The following RECK variants were observed in gnomAD, a reference collection of about 807,000 sequenced individuals.
The protein encoded by RECK is reversion inducing cysteine rich protein with kazal motifs.
Under a neutral mutation model 115.1 loss-of-function variants are expected in RECK, and 69 were observed. That is an observed-to-expected ratio of 0.60 (90% CI 0.49 to 0.73). The LOEUF is 0.73. Ranked by LOEUF, RECK falls within the 30% of genes least tolerant of loss-of-function variation. RECK has a pLI of 0.00. For missense variants in RECK, 1,047 were observed against 1,203.7 expected, an observed-to-expected ratio of 0.87 and a Z score of 1.93; for synonymous variants, 414 against 419.7, an observed-to-expected ratio of 0.99 and a Z score of 0.17.
In RECK at chr9:36,108,108, T is replaced by A. The variant is rs1413507706; in HGVS notation, c.1709T>A (p.Met570Lys). Residue 570 changes from methionine to lysine, a missense_variant, in exon 14 of 21, where the codon ATG (methionine) becomes AAG (lysine). Met to Lys is a moderately conservative substitution (Grantham distance 95, BLOSUM62 -1). Coordinates refer to ENST00000377966, the MANE Select transcript of RECK (RefSeq NM_021111.3). ...CAAAGTGGACTCTTAGAAAACTGTA[T>A]GGAAATGCACTGTATAGACCTCCAG... ...CGQSGLLENC[M>K]EMHCIDLQKS... 1.5e-5 allele frequency: 25 copies of A among 1,614,102 alleles called. No individual in the cohort carries two copies. The highest frequency in any genetic ancestry group is 2.1e-5 in the Non-Finnish European group (25 of 1,179,978).
At chr9:36,095,741 A>T (rs937410868) in intron 10 of RECK, among the ~76,000 whole-genome samples, 1 of 152,022 alleles carries the variant, frequency 6.6e-6, no homozygotes, top group Non-Finnish European at 1.5e-5. Flanking sequence ...GTTTGAGACC[A>T]GCCTGGGCAA....
chr9:36,123,303 CA>C lies in RECK; in HGVS notation c.*259del, dbSNP rs1824530615. ...TGGTAGACCACTGCCATATGATTTACATTTCCTCACCATAAGGGTCCCCCAC... is the reference window on the plus strand; with the variant it reads ...TGGTAGACCACTGCCATATGATTTACTTTCCTCACCATAAGGGTCCCCCAC... On this transcript the variant is annotated 3_prime_UTR_variant, in exon 21 of 21. Coordinates refer to ENST00000377966, the MANE Select transcript of RECK (RefSeq NM_021111.3). 5.0e-6 allele frequency: 2 copies of C among 398,256 alleles called. No individual in the cohort carries two copies. Among genetic ancestry groups the C allele is most frequent in the Non-Finnish European group, 9.0e-6 (2 of 222,898 alleles). 24.7% of individuals were successfully genotyped at this position (398,256 alleles called of 1,614,324 possible).
At chr9:36,107,830 C>G (rs978926006) in intron 13 of RECK, 146 bp from the exon 14 acceptor site, 13 of 600,724 alleles carry the variant, frequency 2.2e-5, no homozygotes, top group Middle Eastern at 3.3e-4. Context: ...TGAACCAAAG[C>G]AATTCCTTAA....
intron 1 of RECK, 126 bp downstream of exon 1, chr9:36,037,224 G>A (rs1014820304): frequency 1.9e-5 from 10 of 538,582 alleles, no homozygotes; most frequent in African/African-American, 1.4e-4. Context: ...CGGCGACCCC[G>A]GGACCCCAGG....
rs1325567734 is a variant in RECK at position 36,094,744 on chromosome 9, C to T, written c.1085+3401C>T. On this transcript the variant is annotated intron_variant, in intron 10 of 20. Coordinates refer to ENST00000377966, the MANE Select transcript of RECK (RefSeq NM_021111.3). This position sits in a 1 kb window ranked among gnomAD's most constrained non-coding sequence, Gnocchi z 4.1. The stretch of plus-strand genomic sequence containing the variant: ...AATTTATCATGAAGATACAATTAAC[C>T]TAGATATATATGCACCTAATGTCAG... 1.3e-5 allele frequency among the ~76,000 whole-genome samples: 2 copies of T among 151,988 alleles called. No individual in the cohort carries two copies. The highest frequency in any genetic ancestry group is 2.9e-5 in the Non-Finnish European group (2 of 68,000).
chr9:36,117,604 G>A (rs529919127), intron 17 of RECK, among the ~76,000 whole-genome samples: 1 of 152,302 alleles, frequency 6.6e-6, no homozygotes, highest in East Asian at 1.9e-4. Context: ...AAAAGTCATT[G>A]AAATTTTCTT....
At chr9:36,096,375 A>T (rs1402678278) in intron 10 of RECK, among the ~76,000 whole-genome samples, 1 of 151,722 alleles carries the variant, frequency 6.6e-6, no homozygotes, top group Non-Finnish European at 1.5e-5. Flanking sequence ...CGTCTCTACT[A>T]AAAATACAAA....
intron 16 of RECK, 145 bp downstream of exon 16, chr9:36,112,621 A>C (rs1457864728): frequency 4.5e-6 from 4 of 885,570 alleles, no homozygotes; most frequent in African/African-American, 1.7e-5. Context: ...AAAGAGAGCC[A>C]TGTAAAGCTG....
At chr9:36,114,861 A>AAACAG (rs1427591211) in intron 16 of RECK, among the ~76,000 whole-genome samples, 2 of 151,812 alleles carry the variant, frequency 1.3e-5, no homozygotes, top group Non-Finnish European at 2.9e-5. Flanking sequence ...AAACAAAACA[A>AAACAG]AACAAAAAAC....
intron 16 of RECK, among the ~76,000 whole-genome samples, chr9:36,114,771 G>A (rs922468766): frequency 2.6e-5 from 4 of 151,990 alleles, no homozygotes; most frequent in Admixed American, 1.3e-4. Flanking sequence ...CTTGAACCCG[G>A]GAGACAGAGG....
At chr9:36,099,807 T>C (rs1456818725) in intron 10 of RECK, among the ~76,000 whole-genome samples, 1 of 152,098 alleles carries the variant, frequency 6.6e-6, no homozygotes, top group Non-Finnish European at 1.5e-5. Context: ...AATTAATCTA[T>C]GGTGATATAA....
intron 12 of RECK, among the ~76,000 whole-genome samples, chr9:36,102,685 G>T (rs1417529914): frequency 1.3e-5 from 2 of 152,146 alleles, no homozygotes; most frequent in Non-Finnish European, 2.9e-5. Context: ...GCCAGGCGTG[G>T]TGACTCAAGC....
chr9:36,108,625 G>C (rs926498380), intron 14 of RECK, among the ~76,000 whole-genome samples: 1 of 151,724 alleles, frequency 6.6e-6, no homozygotes, highest in Non-Finnish European at 1.5e-5. Context: ...ATCTTCCCCC[G>C]ACCCTTTCTT....
chr9:36,079,440 G>C (rs7033516), intron 6 of RECK, among the ~76,000 whole-genome samples: 3,855 of 152,236 alleles, frequency 0.025, 163 homozygotes, highest in African/African-American at 0.086. Context: ...TGGGTGAATT[G>C]AGGAACCCTT....
rs1408463 is a variant in RECK, at chr9:36,069,103, C to T, written c.405+3479C>T. On this transcript the variant is annotated intron_variant, in intron 6 of 20. Coordinates refer to ENST00000377966, the MANE Select transcript of RECK (RefSeq NM_021111.3). ...TTCATAATAAAAAAAAGTCACAGAA[C>T]TCACCAGAAAACATGATTTGTTAAA... 3.8e-3 allele frequency among the ~76,000 whole-genome samples: 583 copies of T among 152,134 alleles called. 4 individuals are homozygous for T. The highest frequency in any genetic ancestry group is 0.014 in the African/African-American group (562 of 41,490).
intron 10 of RECK, among the ~76,000 whole-genome samples, chr9:36,092,739 T>C (rs180830394): frequency 4.0e-4 from 61 of 151,952 alleles, no homozygotes; most frequent in Non-Finnish European, 6.9e-4. Flanking sequence ...GCCACATTTG[T>C]GCACTTCTTC....
chr9:36,042,598 G>T (rs1196683937), intron 1 of RECK, among the ~76,000 whole-genome samples: 5 of 152,094 alleles, frequency 3.3e-5, no homozygotes, highest in African/African-American at 1.2e-4. Context: ...CATTTGGGCT[G>T]CTTCCATATT....
chr9:36,119,077 T>C (rs956983928), intron 18 of RECK, 110 bp downstream of exon 18: 1 of 1,093,012 alleles, frequency 9.1e-7, no homozygotes, highest in African/African-American at 1.6e-5. Context: ...TCAGAAAGTC[T>C]TGAAGAGATT....
At chr9:36,103,372 C>A (rs1823636880) in intron 12 of RECK, among the ~76,000 whole-genome samples, 1 of 152,238 alleles carries the variant, frequency 6.6e-6, no homozygotes, top group South Asian at 2.1e-4. Context: ...TCTTTCCCCA[C>A]CATCCTTAGC....
Sources: gnomAD v4.1 joint callset for allele counts (sites outside exome capture counted in the v4.1 genomes callset) on GRCh38, gnomAD v4.1.1 for gene constraint, Gnocchi (gnomAD v3.1) non-coding constraint, MANE v1.5 for transcripts, NCBI Gene and HGNC (gene_info 2026-07-23, HGNC 2026-07-21) for gene names.